Variants in CACNB1 observed in about 807,000 individuals in gnomAD.
CACNB1 encodes the protein voltage-dependent L-type calcium channel subunit beta-1.
Under a neutral mutation model 71.6 loss-of-function variants are expected in CACNB1, and 29 were observed. The observed-to-expected ratio is 0.40, with a 90% confidence interval of 0.30 to 0.55. The LOEUF is 0.55. Among genes scored for constraint, CACNB1 ranks in the 20% least tolerant of loss-of-function variants. CACNB1 has a pLI of 0.38. For missense variants in CACNB1, 623 were observed against 801.8 expected (o/e 0.78, Z 2.69); for synonymous variants, 300 against 319.6 (o/e 0.94, Z 0.65).
intron 1 of CACNB1, among the ~76,000 whole-genome samples, chr17:39,196,766 A>G (rs1282549169): frequency 4.8e-5 from 6 of 123,732 alleles, no homozygotes; most frequent in Admixed American, 8.4e-5. Context: ...AACTTTCCAA[A>G]CTTTGGAGGC....
At chr17:39,182,310 G>A (rs2045789234) in intron 11 of CACNB1, among the ~76,000 whole-genome samples, 2 of 149,244 alleles carry the variant, frequency 1.3e-5, no homozygotes, top group Non-Finnish European at 3.0e-5. Context: ...CTGGGTGACA[G>A]GGCAAGGCTG....
At chr17:39,177,141 C>T (rs1044997333) in intron 13 of CACNB1, 12 of 1,429,188 alleles carry the variant, frequency 8.4e-6, no homozygotes, top group Non-Finnish European at 1.0e-5. Context: ...GAAGCTGCCG[C>T]TCATCTTATT....
rs1033163626 is a variant in CACNB1 at position 39,184,538 on chromosome 17, T to C, written c.730-155A>G. ...GGGTCTGAGTCTGAGGGGCCTCCAC[T>C]GGGGTCTCTGGTTCCAAGGTCCCTG... On this transcript the variant is annotated intron_variant, in intron 8 of 13. Coordinates refer to ENST00000394303, the MANE Select transcript of CACNB1 (RefSeq NM_000723.5). Among the ~76,000 whole-genome samples the C allele has an allele frequency of 8.0e-4, 122 of 151,894 alleles. 3 individuals are homozygous for C. The highest frequency in any genetic ancestry group is 9.2e-4 in the Admixed American group (14 of 15,242).
At position 39,194,974 on chromosome 17, in the gene CACNB1, A is replaced by G. The variant is rs749761736; in HGVS notation, c.85-4T>C. 6.2e-7 allele frequency: 1 copy of G among 1,605,768 alleles called. No homozygotes were observed. The highest frequency in any genetic ancestry group is 8.5e-7 in the Non-Finnish European group (1 of 1,173,616). On this transcript the variant is annotated splice_polypyrimidine_tract_variant and splice_region_variant and intron_variant, in intron 1 of 13. Coordinates refer to ENST00000394303, the MANE Select transcript of CACNB1 (RefSeq NM_000723.5). This position sits in a 1 kb window ranked among gnomAD's most constrained non-coding sequence, Gnocchi z 4.6. ...CTTTCCTCTTGCTGTATTTGCCCTG[A>G]AGAGGCCAGGAAAGGAACAAGAGTA...
chr17:39,196,561 G>A (rs2046203819), intron 1 of CACNB1, among the ~76,000 whole-genome samples: 1 of 152,132 alleles, frequency 6.6e-6, no homozygotes, highest in South Asian at 2.1e-4. Flanking sequence ...CTTGGAGAAG[G>A]ACACTCCCAA....
At chr17:39,180,669 AAG>A (rs1352869301) in intron 11 of CACNB1, among the ~76,000 whole-genome samples, 1 of 152,044 alleles carries the variant, frequency 6.6e-6, no homozygotes, top group Non-Finnish European at 1.5e-5. Flanking sequence ...CAAAAAAAAA[AAG>A]AGAGAAAGAA....
intron 1 of CACNB1, among the ~76,000 whole-genome samples, chr17:39,196,774 G>A (rs1359681887): frequency 6.6e-6 from 1 of 151,130 alleles, no homozygotes; most frequent in African/African-American, 2.4e-5. Context: ...AAACTTTGGA[G>A]GCGTTTTTGG....
At chr17:39,190,042 G>A (rs1280135901) in intron 3 of CACNB1, among the ~76,000 whole-genome samples, 1 of 152,046 alleles carries the variant, frequency 6.6e-6, no homozygotes, top group African/African-American at 2.4e-5. Context: ...CTTGAACCTG[G>A]AAGGCGGAGG....
rs1481139607 is a variant in CACNB1 at position 39,175,767 on chromosome 17, A to C, written c.1333-110T>G. 2.3e-6 allele frequency: 2 copies of C among 876,782 alleles called. No homozygotes were observed. Among genetic ancestry groups the C allele is most frequent in the South Asian group, 1.7e-5 (1 of 57,664 alleles). The allele number at this position is 876,782 out of a possible 1,614,324, so 54.3% of individuals were successfully genotyped here. ...ATTAAGAGGTCCGGCCTGGATGAAG[A>C]GGGTGCTGGCTCTAGAGGAGGGGCC... On this transcript the variant is annotated intron_variant, in intron 13 of 13. Transcript: ENST00000394303. The surrounding 1 kb of genome is among the most constrained non-coding windows in gnomAD (Gnocchi z 4.7).
rs1283624320 is a variant in CACNB1 at position 39,175,053 on chromosome 17, A to C, written c.*140T>G. ...GGAGCTGGGATGGTAACACCAAAGA[A>C]ACCCCAAGCTTTGAGCAAAGGCATC... is the stretch of plus-strand genomic sequence containing the variant. On this transcript the variant is annotated 3_prime_UTR_variant, in exon 14 of 14. Coordinates refer to ENST00000394303, the MANE Select transcript of CACNB1 (RefSeq NM_000723.5). This position sits in a 1 kb window ranked among gnomAD's most constrained non-coding sequence, Gnocchi z 4.7. 2 of 743,864 alleles carry C rather than the reference A, an allele frequency of 2.7e-6. No individual in the cohort carries two copies. The highest frequency in any genetic ancestry group is 4.4e-6 in the Non-Finnish European group (2 of 454,400). 46.1% of individuals were successfully genotyped at this position (743,864 alleles called of 1,614,324 possible). A position where few individuals can be genotyped will look rare whatever the true frequency, so the allele number is the denominator to read the frequency against.
In CACNB1 at chr17:39,194,930, T is replaced by C; in HGVS notation, c.125A>G (p.Asp42Gly). 1 of 1,613,556 alleles carries C rather than the reference T, an allele frequency of 6.2e-7. No individual in the cohort carries two copies. The highest frequency in any genetic ancestry group is 8.5e-7 in the Non-Finnish European group (1 of 1,179,622). The change falls in exon 2 of 14, where the codon GAT becomes GGT. Residue 42 changes from aspartate to glycine, a missense_variant. Transcript: ENST00000394303. This position sits in a 1 kb window ranked among gnomAD's most constrained non-coding sequence, Gnocchi z 4.6. ...TGTGGTATCCGAGGACGTGCTCCCATCTGACCGTTTGAATCGCCCTTTCCT... is the reference window on the plus strand; with the variant it reads ...TGTGGTATCCGAGGACGTGCTCCCACCTGACCGTTTGAATCGCCCTTTCCT... ...SKRKGRFKRS[D>G]GSTSSDTTSN...
chr17:39,181,715 G>A (rs1230983824), intron 11 of CACNB1, among the ~76,000 whole-genome samples: 1 of 152,168 alleles, frequency 6.6e-6, no homozygotes, highest in Non-Finnish European at 1.5e-5. Context: ...TAGAAACAGA[G>A]GACTCAGAAA....
intron 13 of CACNB1, chr17:39,177,018 A>T: frequency 2.2e-6 from 2 of 909,896 alleles, no homozygotes; most frequent in Non-Finnish European, 3.0e-6. Context: ...CCCTTGTCTT[A>T]AAAGCGCTCC....
Position 39,186,472 on chromosome 17 carries a change from C to G in CACNB1, c.628+24G>C, listed in dbSNP as rs755869418. 4 of 1,594,996 alleles carry G rather than the reference C, an allele frequency of 2.5e-6. No individual in the cohort carries two copies. Among genetic ancestry groups the G allele is most frequent in the South Asian group, 1.1e-5 (1 of 89,282 alleles). On this transcript the variant is annotated intron_variant, in intron 6 of 13. Transcript: ENST00000394303. This position sits in a 1 kb window ranked among gnomAD's most constrained non-coding sequence, Gnocchi z 4.1. ...CCCCACCCAGGAGCTTCTTCCCAAA[C>G]CCCTGCATGGCGATGGCTCTTACCA...
intron 2 of CACNB1, chr17:39,191,870 G>A: frequency 2.2e-6 from 1 of 448,520 alleles, no homozygotes; most frequent in Non-Finnish European, 3.9e-6. Flanking sequence ...GGAGGGGTGG[G>A]AACCTGATAG....
chr17:39,174,808 C>G lies in CACNB1; in HGVS notation c.*385G>C, dbSNP rs777312467. 26 of 179,154 alleles carry G rather than the reference C, an allele frequency of 1.5e-4. No individual in the cohort carries two copies. The highest frequency in any genetic ancestry group is 2.5e-4 in the Non-Finnish European group (21 of 85,214). 11.1% of individuals were successfully genotyped at this position (179,154 alleles called of 1,614,324 possible). ...TTTCCAGGAAAAGCGCCCAGCCCTT[C>G]CCCAGTACTGCAGCTTGGGAGAAGG... On this transcript the variant is annotated 3_prime_UTR_variant, in exon 14 of 14. Coordinates refer to ENST00000394303, the MANE Select transcript of CACNB1 (RefSeq NM_000723.5).
chr17:39,182,986 G>C, intron 11 of CACNB1: 1 of 981,704 alleles, frequency 1.0e-6, no homozygotes, highest in African/African-American at 1.7e-5. Context: ...CTCTTCCTCC[G>C]TGTTTCTCAG....
In CACNB1 at chr17:39,193,225, C is replaced by T. The variant is rs1567812911; in HGVS notation, c.172-1632G>A. 3 of 297,962 alleles carry T rather than the reference C, an allele frequency of 1.0e-5. No individual in the cohort carries two copies. In the East Asian group the frequency reaches 3.3e-4, roughly 32 times the overall value. 18.5% of individuals were successfully genotyped at this position (297,962 alleles called of 1,614,324 possible). ...GCACATGTGCGGGCAGACACACACA[C>T]ATATGCAGACACACAGGTGCACACA... On this transcript the variant is annotated intron_variant, in intron 2 of 13. Coordinates refer to ENST00000394303, the MANE Select transcript of CACNB1 (RefSeq NM_000723.5).
At chr17:39,176,999 C>T (rs2045595196) in intron 13 of CACNB1, 1 of 660,638 alleles carries the variant, frequency 1.5e-6, no homozygotes, top group Non-Finnish European at 2.2e-6. Flanking sequence ...CTCGCATGTC[C>T]TTCCTAGTCC....
Sources: gnomAD v4.1 joint callset for allele counts (sites outside exome capture counted in the v4.1 genomes callset) on GRCh38, gnomAD v4.1.1 for gene constraint, Gnocchi (gnomAD v3.1) non-coding constraint, MANE v1.5 for transcripts, NCBI Gene and HGNC (gene_info 2026-07-23, HGNC 2026-07-21) for gene names.